The following BTAF1 variants were observed in gnomAD, a reference collection of about 807,000 sequenced individuals.
The protein encoded by BTAF1 is TATA-binding protein-associated factor 172.
A neutral mutation model predicts 227.1 loss-of-function variants in BTAF1; 38 were observed. That is an observed-to-expected ratio of 0.17 (90% CI 0.13 to 0.22). The LOEUF (loss-of-function observed/expected upper bound fraction) is 0.22, where lower values mean the gene tolerates loss of function less well. BTAF1 is among the 10% of genes least tolerant of loss of function. The pLI is 1.00. For synonymous variants in BTAF1, 742 were observed against 751.9 expected (o/e 0.99, Z 0.21); for missense variants, 1,598 against 2,204.0 (o/e 0.73, Z 5.51).
At chr10:92,025,011 TA>T in intron 35 of BTAF1, 44 bp downstream of exon 35, 1 of 1,519,556 alleles carries the variant, frequency 6.6e-7, no homozygotes, top group South Asian at 1.2e-5. Flanking sequence ...AATATATTAT[TA>T]CTTACATAGA....
chr10:92,001,923 G>C (rs1849556084), intron 25 of BTAF1, among the ~76,000 whole-genome samples: 1 of 127,472 alleles, frequency 7.8e-6, no homozygotes, highest in South Asian at 2.5e-4. Flanking sequence ...AACCACCCTG[G>C]ACAACATGGT....
intron 4 of BTAF1, among the ~76,000 whole-genome samples, chr10:91,947,140 G>C (rs1179619439): frequency 6.6e-6 from 1 of 152,118 alleles, no homozygotes; most frequent in African/African-American, 2.4e-5. Context: ...ATCACCCCCA[G>C]CCTGATTTAC....
Position 92,013,766 on chromosome 10 carries a change from G to C in BTAF1, c.4411G>C (p.Ala1471Pro), listed in dbSNP as rs1357334642. 6.2e-7 allele frequency: 1 copy of C among 1,614,004 alleles called. No homozygotes were observed. Among genetic ancestry groups the C allele is most frequent in the Non-Finnish European group, 8.5e-7 (1 of 1,180,002 alleles). ...FAARYGKPIL[A>P]SRDARSSSRE... ...TGCTCGATATGGTAAACCTATATTA[G>C]CAAGTAGGGATGCTCGAAGCTCCAG... is the stretch of plus-strand genomic sequence containing the variant. Residue 1471 changes from alanine to proline, a missense_variant, in exon 31 of 38, where the codon GCA becomes CCA. Physicochemically the swap from Ala to Pro is conservative, Grantham distance 27 (BLOSUM62 -1). This residue lies in a region of BTAF1 where 184 missense variants were observed against 341.1 expected (regional missense o/e 0.54). Coordinates refer to ENST00000265990, the MANE Select transcript of BTAF1 (RefSeq NM_003972.3).
At chr10:91,977,104 G>A (rs1847752263) in intron 14 of BTAF1, among the ~76,000 whole-genome samples, 1 of 152,144 alleles carries the variant, frequency 6.6e-6, no homozygotes, top group Non-Finnish European at 1.5e-5. Flanking sequence ...GCAGGAGAGA[G>A]CAGAATGGCA....
chr10:92,008,919 A>G lies in BTAF1; in HGVS notation c.3904A>G (p.Ile1302Val). ...GGGTTTAGGAAAAACTTTACAGTCC[A>G]TCTGCATTCTAGCAGGAGATCATTG... The part of the protein sequence containing the change: ...DMGLGKTLQS[I>V]CILAGDHCHR... Residue 1302 changes from isoleucine (I) to valine (V), a missense_variant, in exon 27 of 38, where the codon ATC (isoleucine) becomes GTC (valine). Around this residue, in one of 10 missense-constraint regions of BTAF1, gnomAD observed 184 missense variants for 341.1 expected, o/e 0.54. Coordinates refer to ENST00000265990, the MANE Select transcript of BTAF1 (RefSeq NM_003972.3). 6.2e-7 allele frequency: 1 copy of G among 1,613,914 alleles called. No homozygotes were observed.
intron 1 of BTAF1, among the ~76,000 whole-genome samples, chr10:91,932,626 A>G (rs1844345471): frequency 6.6e-6 from 1 of 152,184 alleles, no homozygotes; most frequent in Admixed American, 6.5e-5. Flanking sequence ...TGACAAATTA[A>G]TGTGAGAGAT....
At chr10:92,024,626 A>G in intron 34 of BTAF1, 130 bp from the exon 35 acceptor site, 3 of 765,474 alleles carry the variant, frequency 3.9e-6, no homozygotes, top group East Asian at 2.7e-5. Flanking sequence ...TTGCAGCCCA[A>G]AGTGCTAATC....
chr10:92,005,039 A>G (rs1849786788), intron 25 of BTAF1, among the ~76,000 whole-genome samples: 1 of 152,172 alleles, frequency 6.6e-6, no homozygotes, highest in Admixed American at 6.6e-5. Context: ...GTCAAAGATT[A>G]ACTGTAAATG....
At chr10:92,011,441 AATT>A (rs1261957325) in intron 30 of BTAF1, 26 bp downstream of exon 30, 2 of 1,092,952 alleles carry the variant, frequency 1.8e-6, no homozygotes, top group East Asian at 6.8e-5. Flanking sequence ...TATTTTTTTT[AATT>A]ATTTTTATTT....
intron 19 of BTAF1, among the ~76,000 whole-genome samples, chr10:91,984,606 A>C (rs991222384): frequency 3.9e-5 from 6 of 152,168 alleles, no homozygotes; most frequent in Non-Finnish European, 7.4e-5. Context: ...AATTTTTTTT[A>C]AACCAAAATT....
At chr10:91,954,732 A>T (rs1439057524) in intron 6 of BTAF1, among the ~76,000 whole-genome samples, 3 of 152,098 alleles carry the variant, frequency 2.0e-5, no homozygotes, top group South Asian at 2.1e-4. Context: ...TAATTTTTAA[A>T]TTTTTTGTAG....
intron 2 of BTAF1, among the ~76,000 whole-genome samples, chr10:91,937,273 G>A (rs189978097): frequency 3.3e-5 from 5 of 152,144 alleles, no homozygotes; most frequent in Admixed American, 6.5e-5. Context: ...GATTGCAGGC[G>A]TGAACCACCG....
At chr10:92,007,210 CTTTTTTTTTTTTTTT>C (rs969389265) in intron 25 of BTAF1, among the ~76,000 whole-genome samples, 1 of 61,268 alleles carries the variant, frequency 1.6e-5, no homozygotes, top group African/African-American at 6.1e-5. Context: ...TATTTTTTGT[CTTTTTTTTTTTTTTT>C]TTTTTTTTTT....
chr10:91,926,712 G>A (rs1487125060), intron 1 of BTAF1, among the ~76,000 whole-genome samples: 1 of 152,194 alleles, frequency 6.6e-6, no homozygotes, highest in Non-Finnish European at 1.5e-5. Flanking sequence ...GTAAGTTTAT[G>A]TATCAATGTA....
chr10:91,977,010 T>A (rs983479986), intron 14 of BTAF1, among the ~76,000 whole-genome samples: 9 of 152,078 alleles, frequency 5.9e-5, no homozygotes, highest in African/African-American at 1.9e-4. Flanking sequence ...AAGTTTAAGC[T>A]GAAACCTGAA....
intron 20 of BTAF1, among the ~76,000 whole-genome samples, chr10:91,991,832 T>TAC (rs1554860575): frequency 0.032 from 350 of 10,974 alleles, 1 homozygote; most frequent in Middle Eastern, 0.056. Context: ...TATATATATA[T>TAC]ACACACATAT....
chr10:91,991,271 A>AAT (rs3980612), intron 20 of BTAF1, among the ~76,000 whole-genome samples: 19,966 of 66,536 alleles, frequency 0.3, 2,765 homozygotes, highest in Middle Eastern at 0.4. Context: ...TATAAATATA[A>AAT]ATATATATAT....
intron 28 of BTAF1, among the ~76,000 whole-genome samples, chr10:92,010,337 C>G (rs1387231403): frequency 1.3e-5 from 2 of 152,140 alleles, no homozygotes; most frequent in African/African-American, 4.8e-5. Flanking sequence ...GATAGAAATT[C>G]AACTCAATTC....
chr10:91,998,012 A>G (rs960498562), intron 25 of BTAF1, among the ~76,000 whole-genome samples: 14 of 152,018 alleles, frequency 9.2e-5, no homozygotes, highest in Non-Finnish European at 1.6e-4. Flanking sequence ...CTGTAGTCTC[A>G]GCTACTCGGG....
Sources: gnomAD v4.1 joint callset for allele counts (sites outside exome capture counted in the v4.1 genomes callset) on GRCh38, gnomAD v4.1.1 for gene constraint, gnomAD v4.1.1 regional missense constraint, MANE v1.5 for transcripts, NCBI Gene and HGNC (gene_info 2026-07-23, HGNC 2026-07-21) for gene names.